Variants in ITPRID1 observed in about 807,000 individuals in gnomAD.
ITPRID1 encodes the protein ITPR interacting domain containing 1.
A neutral mutation model predicts 95.4 loss-of-function variants in ITPRID1; 96 were observed. The ratio of observed to expected loss-of-function variants is 1.01; its 90% CI spans 0.85 to 1.19. The LOEUF (loss-of-function observed/expected upper bound fraction) is 1.19. Among genes scored for constraint, ITPRID1 ranks in the 50% most tolerant of loss-of-function variants. The pLI is 0.00. For missense variants in ITPRID1, 1,339 were observed against 1,252.9 expected (o/e 1.07, Z -1.04); for synonymous variants, 510 against 453.6 (o/e 1.12, Z -1.58).
intron 10 of ITPRID1, among the ~76,000 whole-genome samples, chr7:31,594,095 C>A (rs1057385059): frequency 6.6e-6 from 1 of 152,242 alleles, no homozygotes; most frequent in African/African-American, 2.4e-5. Flanking sequence ...TTAACTGTAC[C>A]TTTTCTATGT....
At position 31,620,961 on chromosome 7, in the gene ITPRID1, C is replaced by G. The variant is rs1787817977; in HGVS notation, c.1229-21215C>G. Among the ~76,000 whole-genome samples the G allele has an allele frequency of 2.0e-5, 3 of 151,866 alleles. No homozygotes were observed. The South Asian group carries it at 6.2e-4, about 31-fold the overall frequency. ...AGGCTCAAGAACTATGTGAAGAATG[C>G]AGAAGCCTCAGGAGCCAATGCGATC... On this transcript the variant is annotated intron_variant, in intron 10 of 14. Transcript: ENST00000615280.
rs529247886 is a variant in ITPRID1 at position 31,522,915 on chromosome 7, A to G, written c.-98+8795A>G. On this transcript the variant is annotated intron_variant, in intron 1 of 14. Transcript: ENST00000615280. ...TCCCAAAAATATGAAATAGGGAGAA[A>G]ATAAGGGGTTTGTAGATATAATGTA... Among the ~76,000 whole-genome samples the G allele has an allele frequency of 2.0e-5, 3 of 152,216 alleles. 1 individual carries two copies. The South Asian group carries it at 6.2e-4, about 32-fold the overall frequency.
Position 31,586,466 on chromosome 7 carries a change from AG to A in ITPRID1, c.1228+3276del, listed in dbSNP as rs1785613583. On this transcript the variant is annotated intron_variant, in intron 10 of 14. Coordinates refer to ENST00000615280, the MANE Select transcript of ITPRID1 (RefSeq NM_001257967.3). ...TTTACAGTCCCACCAACAGTGTAAA[AG>A]TATTCCTATTTCTCCACATCCTCTC... Among the ~76,000 whole-genome samples, 4 of 151,824 alleles carry A rather than the reference AG, an allele frequency of 2.6e-5. No homozygotes were observed. The South Asian group carries it at 8.3e-4, about 31-fold the overall frequency.
intron 10 of ITPRID1, among the ~76,000 whole-genome samples, chr7:31,634,363 A>G (rs892469326): frequency 6.6e-6 from 1 of 152,222 alleles, no homozygotes; most frequent in Non-Finnish European, 1.5e-5. Flanking sequence ...TGCAGCAAAA[A>G]TTTACATATA....
At chr7:31,539,571 C>T (rs2128132534) in intron 1 of ITPRID1, among the ~76,000 whole-genome samples, 1 of 152,258 alleles carries the variant, frequency 6.6e-6, no homozygotes, top group Middle Eastern at 3.4e-3. Context: ...TAAGAAACCA[C>T]CAAACTGTCT....
At chr7:31,559,265 A>G (rs1417493774) in intron 5 of ITPRID1, among the ~76,000 whole-genome samples, 1 of 152,168 alleles carries the variant, frequency 6.6e-6, no homozygotes, top group Non-Finnish European at 1.5e-5. Flanking sequence ...TCATTTCAAT[A>G]CTTTCTGAGC....
intron 10 of ITPRID1, among the ~76,000 whole-genome samples, chr7:31,599,648 T>TCTTTC (rs1444299837): frequency 1.7e-4 from 5 of 29,412 alleles, no homozygotes; most frequent in African/African-American, 5.7e-4. Flanking sequence ...TTTCTTTCTT[T>TCTTTC]TTCTTTCTTT....
At chr7:31,569,695 T>A in intron 5 of ITPRID1, 63 bp from the exon 6 acceptor site, 1 of 1,442,652 alleles carries the variant, frequency 6.9e-7, no homozygotes, top group Non-Finnish European at 9.5e-7. Flanking sequence ...CATTTGGGGT[T>A]GAGAAAATCT....
intron 10 of ITPRID1, among the ~76,000 whole-genome samples, chr7:31,625,674 A>C (rs559690361): frequency 4.7e-4 from 71 of 152,294 alleles, no homozygotes; most frequent in African/African-American, 1.6e-3. Context: ...CTAATGCTAG[A>C]TGACGAGTTA....
intron 10 of ITPRID1, among the ~76,000 whole-genome samples, chr7:31,625,082 C>T (rs1187570038): frequency 2.6e-5 from 4 of 152,172 alleles, no homozygotes; most frequent in Non-Finnish European, 4.4e-5. Context: ...GATATCATCT[C>T]ACACCAGTTA....
At chr7:31,626,026 A>AT (rs755649000) in intron 10 of ITPRID1, among the ~76,000 whole-genome samples, 11 of 152,170 alleles carry the variant, frequency 7.2e-5, no homozygotes, top group Non-Finnish European at 1.6e-4. Flanking sequence ...TAACTCTATG[A>AT]TTTTTCCAGT....
intron 1 of ITPRID1, among the ~76,000 whole-genome samples, chr7:31,520,515 T>TTGTG (rs57709822): frequency 0.012 from 1,641 of 135,564 alleles, 19 homozygotes; most frequent in Non-Finnish European, 0.016. Flanking sequence ...TACCACATCA[T>TTGTG]TGTGTGTGTG....
In ITPRID1 at chr7:31,551,889, G is replaced by A. The variant is rs183466471; in HGVS notation, c.-23-1113G>A. ...ATTTCTGTAAACTTGAAGGATAAAC[G>A]AATGCAAATTAAAGCATATGTCATG... On this transcript the variant is annotated intron_variant, in intron 2 of 14. Coordinates refer to ENST00000615280, the MANE Select transcript of ITPRID1 (RefSeq NM_001257967.3). 336 of 415,008 alleles carry A rather than the reference G, an allele frequency of 8.1e-4. 22 individuals carry two copies. Among genetic ancestry groups the A allele is most frequent in the African/African-American group, 6.4e-3 (315 of 49,162 alleles). 25.7% of individuals were successfully genotyped at this position (415,008 alleles called of 1,614,324 possible).
At chr7:31,612,920 T>C (rs1169948362) in intron 10 of ITPRID1, among the ~76,000 whole-genome samples, 1 of 152,202 alleles carries the variant, frequency 6.6e-6, no homozygotes, top group Non-Finnish European at 1.5e-5. Flanking sequence ...CCCCAGTTGG[T>C]ATCACTGTCT....
intron 8 of ITPRID1, 39 bp downstream of exon 8, chr7:31,574,781 G>C (rs1381873595): frequency 6.3e-7 from 1 of 1,580,892 alleles, no homozygotes; most frequent in African/African-American, 1.3e-5. Flanking sequence ...CTCAGCATTG[G>C]GAATGAGTGG....
At chr7:31,628,886 C>G (rs1788737653) in intron 10 of ITPRID1, among the ~76,000 whole-genome samples, 1 of 152,148 alleles carries the variant, frequency 6.6e-6, no homozygotes, top group Non-Finnish European at 1.5e-5. Flanking sequence ...TGCCAATCAA[C>G]CAGTGGACTC....
chr7:31,526,772 T>G (rs1280161890), intron 1 of ITPRID1, among the ~76,000 whole-genome samples: 2 of 152,072 alleles, frequency 1.3e-5, no homozygotes, highest in Admixed American at 1.3e-4. Context: ...AATAACTCAC[T>G]TATCTACATT....
At chr7:31,515,939 T>G (rs555763935) in intron 1 of ITPRID1, among the ~76,000 whole-genome samples, 1 of 152,318 alleles carries the variant, frequency 6.6e-6, no homozygotes, top group African/African-American at 2.4e-5. Context: ...ATGATAAAAG[T>G]ACTGTGTTAG....
chr7:31,550,638 C>T (rs1583486586), intron 2 of ITPRID1, among the ~76,000 whole-genome samples: 2 of 152,280 alleles, frequency 1.3e-5, no homozygotes, highest in South Asian at 2.1e-4. Context: ...ACTGGGAAGG[C>T]ATCCACTAAA....
Sources: allele counts gnomAD v4.1 joint callset (sites outside exome capture counted in the v4.1 genomes callset), GRCh38; gene constraint gnomAD v4.1.1; transcripts MANE v1.5; gene names NCBI Gene and HGNC (gene_info 2026-07-23, HGNC 2026-07-21).